The following MGMT variants were observed in gnomAD, a reference collection of about 807,000 sequenced individuals.
MGMT encodes O-6-methylguanine-DNA methyltransferase, also known as methylated-DNA--protein-cysteine methyltransferase.
MGMT carries 14 observed loss-of-function variants against 15.9 expected under a neutral mutation model. That is an observed-to-expected ratio of 0.88 (90% confidence interval 0.58 to 1.37). The LOEUF (loss-of-function observed/expected upper bound fraction) is 1.37. Among genes scored for constraint, MGMT ranks in the 40% most tolerant of loss-of-function variants. The probability of loss-of-function intolerance (pLI) is 0.00; values close to 1 mark genes in which losing one functional copy is unlikely to be tolerated. For missense variants in MGMT, 282 were observed against 268.1 expected (o/e 1.05, Z -0.36); for synonymous variants, 130 against 118.2 (o/e 1.10, Z -0.65).
intron 2 of MGMT, among the ~76,000 whole-genome samples, chr10:129,627,424 A>G (rs201249559): frequency 3.2e-4 from 15 of 47,186 alleles, no homozygotes; most frequent in African/African-American, 8.4e-4. Flanking sequence ...CAAAAAAAAG[A>G]AAGAAAGAAA....
intron 2 of MGMT, among the ~76,000 whole-genome samples, chr10:129,676,477 G>A (rs369826687): frequency 3.3e-5 from 5 of 152,196 alleles, no homozygotes; most frequent in South Asian, 2.1e-4. Context: ...GCATCTCTGC[G>A]TCTCTGCGGC....
intron 3 of MGMT, among the ~76,000 whole-genome samples, chr10:129,722,009 A>G (rs1251114806): frequency 6.6e-6 from 1 of 152,084 alleles, no homozygotes; most frequent in African/African-American, 2.4e-5. Context: ...AGCCTGTTAT[A>G]TATTTTCTAC....
At chr10:129,716,589 C>G (rs1316346336) in intron 3 of MGMT, among the ~76,000 whole-genome samples, 5 of 152,128 alleles carry the variant, frequency 3.3e-5, no homozygotes, top group African/African-American at 1.2e-4. Flanking sequence ...TACTGCTTGC[C>G]CAAGACATAT....
At chr10:129,592,243 A>G (rs914958284) in intron 2 of MGMT, among the ~76,000 whole-genome samples, 18 of 152,376 alleles carry the variant, frequency 1.2e-4, no homozygotes, top group African/African-American at 3.4e-4. Context: ...AATAGCTGAC[A>G]GTATTTGTTG....
chr10:129,730,503 C>T (rs1848483733), intron 3 of MGMT, among the ~76,000 whole-genome samples: 1 of 152,152 alleles, frequency 6.6e-6, no homozygotes, highest in African/African-American at 2.4e-5. Context: ...CAAGGTCTGG[C>T]GTGTTTCTAA....
intron 2 of MGMT, among the ~76,000 whole-genome samples, chr10:129,576,250 C>G (rs1305944536): frequency 1.3e-5 from 2 of 152,252 alleles, no homozygotes; most frequent in Middle Eastern, 3.4e-3. Context: ...AATTTTAGAC[C>G]AATATCCTTG....
chr10:129,654,628 A>C (rs1233141100), intron 2 of MGMT, among the ~76,000 whole-genome samples: 1 of 152,050 alleles, frequency 6.6e-6, no homozygotes, highest in Non-Finnish European at 1.5e-5. Flanking sequence ...TGCCTGGAGC[A>C]CAGGGCCTGT....
chr10:129,645,115 GC>G (rs1164723772), intron 2 of MGMT, among the ~76,000 whole-genome samples: 1 of 134,594 alleles, frequency 7.4e-6, no homozygotes, highest in African/African-American at 2.9e-5. Flanking sequence ...AAGCCTGAAA[GC>G]CCTTTTTTTT....
At chr10:129,710,745 A>G (rs1446216298) in intron 3 of MGMT, among the ~76,000 whole-genome samples, 1 of 152,196 alleles carries the variant, frequency 6.6e-6, no homozygotes, top group African/African-American at 2.4e-5. Context: ...TTCTAGAGGA[A>G]AAGTCTTTTG....
chr10:129,551,557 G>C (rs1846156835), intron 2 of MGMT, among the ~76,000 whole-genome samples: 1 of 152,142 alleles, frequency 6.6e-6, no homozygotes, highest in African/African-American at 2.4e-5. Context: ...ACTCGAGGTA[G>C]ATCTGGGTTG....
chr10:129,657,649 G>A (rs181089417), intron 2 of MGMT, among the ~76,000 whole-genome samples: 1 of 148,962 alleles, frequency 6.7e-6, no homozygotes, highest in African/African-American at 2.5e-5. Flanking sequence ...GGAGCTGGGG[G>A]GGGGACAGGC....
chr10:129,727,767 GTA>G (rs1225261498), intron 3 of MGMT, among the ~76,000 whole-genome samples: 4 of 152,188 alleles, frequency 2.6e-5, no homozygotes, highest in Non-Finnish European at 5.9e-5. Context: ...TGCCAGAAAG[GTA>G]TATGAGGAGC....
chr10:129,545,236 G>C (rs1057104967), intron 2 of MGMT, among the ~76,000 whole-genome samples: 1 of 152,204 alleles, frequency 6.6e-6, no homozygotes, highest in Non-Finnish European at 1.5e-5. Context: ...AGTGACTTCT[G>C]TTCTCCTGTG....
rs576360923 is a variant in MGMT at position 129,670,151 on chromosome 10, T to C, written c.126-37744T>C. Among the ~76,000 whole-genome samples the C allele has an allele frequency of 1.1e-4, 16 of 152,254 alleles. No homozygotes were observed. In the South Asian group the frequency reaches 3.1e-3, roughly 30 times the overall value. On this transcript the variant is annotated intron_variant, in intron 2 of 4. Coordinates refer to ENST00000651593, the MANE Select transcript of MGMT (RefSeq NM_002412.5). ...GAAGTACACCATTGATTACACTCTTTAAATAATGTGCAATAGATTCAGATT... is the reference window on the plus strand; with the variant it reads ...GAAGTACACCATTGATTACACTCTTCAAATAATGTGCAATAGATTCAGATT...
intron 2 of MGMT, among the ~76,000 whole-genome samples, chr10:129,583,731 A>C (rs563284241): frequency 6.6e-6 from 1 of 152,128 alleles, no homozygotes; most frequent in South Asian, 2.1e-4. Flanking sequence ...CTTGCTTCCT[A>C]TTTCATGTCC....
At chr10:129,505,409 A>T (rs11016817) in intron 1 of MGMT, among the ~76,000 whole-genome samples, 23,309 of 152,196 alleles carry the variant, frequency 0.15, 2,487 homozygotes, top group East Asian at 0.29. Context: ...TACCTGTGTA[A>T]TTTAATATTA....
intron 2 of MGMT, chr10:129,563,722 A>G (rs956776763): frequency 6.6e-6 from 1 of 152,130 alleles, no homozygotes; most frequent in South Asian, 2.1e-4. Flanking sequence ...CTGCAATACA[A>G]TTAAATATAC....
intron 3 of MGMT, among the ~76,000 whole-genome samples, chr10:129,731,792 G>A (rs1848500980): frequency 6.6e-6 from 1 of 152,170 alleles, no homozygotes; most frequent in South Asian, 2.1e-4. Context: ...AGTTTTCCAA[G>A]ACAGACACTT....
chr10:129,611,027 T>A (rs1846953274), intron 2 of MGMT, among the ~76,000 whole-genome samples: 1 of 152,228 alleles, frequency 6.6e-6, no homozygotes, highest in Admixed American at 6.5e-5. Flanking sequence ...CTTTGGTATT[T>A]CAGCCTTTAT....
Sources: gnomAD v4.1 joint callset for allele counts (sites outside exome capture counted in the v4.1 genomes callset) on GRCh38, gnomAD v4.1.1 for gene constraint, MANE v1.5 for transcripts, NCBI Gene and HGNC (gene_info 2026-07-23, HGNC 2026-07-21) for gene names.